Variants in RCOR1 observed in about 807,000 individuals in gnomAD.
RCOR1 encodes the protein REST corepressor 1, also known as REST corepressor.
RCOR1 carries 12 observed loss-of-function variants against 64.0 expected under a neutral mutation model. That is an observed-to-expected ratio of 0.19 (90% CI 0.12 to 0.30). The LOEUF (loss-of-function observed/expected upper bound fraction) is 0.30, where lower values mean the gene tolerates loss of function less well. Ranked by LOEUF, RCOR1 falls within the 10% of genes least tolerant of loss-of-function variation. The probability of loss-of-function intolerance (pLI) is 1.00; values close to 1 mark genes in which losing one functional copy is unlikely to be tolerated. For missense variants in RCOR1, 502 were observed against 621.2 expected (o/e 0.81, Z 2.04); for synonymous variants, 279 against 227.2 (o/e 1.23, Z -2.05).
chr14:102,620,612 T>G (rs534186548), intron 2 of RCOR1, among the ~76,000 whole-genome samples: 1 of 152,252 alleles, frequency 6.6e-6, no homozygotes, highest in South Asian at 2.1e-4. Context: ...GTCACAGCTA[T>G]TTGGGAGACT....
intron 2 of RCOR1, among the ~76,000 whole-genome samples, chr14:102,624,652 G>A (rs544892685): frequency 8.7e-4 from 133 of 152,156 alleles, no homozygotes; most frequent in African/African-American, 3.2e-3. Context: ...TATAGTCACA[G>A]CTACTTCGGA....
chr14:102,612,491 G>A (rs7140399), intron 2 of RCOR1, among the ~76,000 whole-genome samples: 1 of 151,382 alleles, frequency 6.6e-6, no homozygotes. Context: ...GAGCCACCAC[G>A]CCCGGTCTGA....
rs1283491337 is a variant in RCOR1 at position 102,660,347 on chromosome 14, G to T, written c.362-21548G>T. ...ATATTTTGCATAGATTTGCTTTTGGGTAAAACTTTTTTTTTTTTCATATCT... is the reference window on the plus strand; with the variant it reads ...ATATTTTGCATAGATTTGCTTTTGGTTAAAACTTTTTTTTTTTTCATATCT... On this transcript the variant is annotated intron_variant, in intron 2 of 11. Transcript: ENST00000262241. 7.9e-5 allele frequency among the ~76,000 whole-genome samples: 11 copies of T among 139,690 alleles called. No homozygotes were observed. In the East Asian group the frequency reaches 2.4e-3, roughly 31 times the overall value. The allele number at this position is 139,690 out of a possible 152,430, so 91.6% of individuals were successfully genotyped here.
intron 3 of RCOR1, among the ~76,000 whole-genome samples, chr14:102,694,870 G>C (rs1000627868): frequency 3.3e-5 from 5 of 152,202 alleles, no homozygotes; most frequent in African/African-American, 1.2e-4. Flanking sequence ...ATTTTTGCAT[G>C]TTCAGTTGAG....
Position 102,714,389 on chromosome 14 carries a change from T to A in RCOR1, c.859-34T>A, listed in dbSNP as rs768406721. ...TTATTACTGATCATTTGACTTTTTT[T>A]AAGTTTCATTCATCACCTGTGTATA... On this transcript the variant is annotated intron_variant, in intron 7 of 11. Coordinates refer to ENST00000262241, the MANE Select transcript of RCOR1 (RefSeq NM_015156.4). 1.0e-5 allele frequency: 15 copies of A among 1,435,136 alleles called. No homozygotes were observed. In the South Asian group the frequency reaches 1.4e-4, roughly 13 times the overall value. 88.9% of individuals were successfully genotyped at this position (1,435,136 alleles called of 1,614,324 possible).
chr14:102,678,514 G>T (rs1038467722), intron 2 of RCOR1, among the ~76,000 whole-genome samples: 1 of 152,052 alleles, frequency 6.6e-6, no homozygotes, highest in African/African-American at 2.4e-5. Context: ...GGTCAGGCTG[G>T]TCTCGAACCC....
chr14:102,721,631 C>T (rs1896172550), intron 10 of RCOR1: 1 of 321,358 alleles, frequency 3.1e-6, no homozygotes, highest in Admixed American at 4.6e-5. Flanking sequence ...TTACGTCCTG[C>T]CCTACTCCCA....
At chr14:102,690,986 A>G (rs1300233678) in intron 3 of RCOR1, among the ~76,000 whole-genome samples, 3 of 152,146 alleles carry the variant, frequency 2.0e-5, no homozygotes, top group Non-Finnish European at 4.4e-5. Context: ...TTTGCTCTGT[A>G]ACTTGGGTTG....
chr14:102,661,189 A>G (rs1894817435), intron 2 of RCOR1, among the ~76,000 whole-genome samples: 1 of 152,186 alleles, frequency 6.6e-6, no homozygotes, highest in Non-Finnish European at 1.5e-5. Flanking sequence ...TGTACTAAAA[A>G]TACAAAAAAT....
At chr14:102,703,779 A>G (rs1220890366) in intron 4 of RCOR1, among the ~76,000 whole-genome samples, 9 of 152,214 alleles carry the variant, frequency 5.9e-5, no homozygotes, top group Non-Finnish European at 1.3e-4. Context: ...GTTCCTGGGG[A>G]TGAAGAGACC....
intron 2 of RCOR1, among the ~76,000 whole-genome samples, chr14:102,648,442 T>A (rs1894519296): frequency 6.6e-6 from 1 of 152,178 alleles, no homozygotes; most frequent in Admixed American, 6.5e-5. Flanking sequence ...TCTTGTATGT[T>A]CTCTGCCTCA....
At chr14:102,638,142 G>A (rs1241069983) in intron 2 of RCOR1, among the ~76,000 whole-genome samples, 3 of 152,136 alleles carry the variant, frequency 2.0e-5, no homozygotes, top group African/African-American at 7.2e-5. Context: ...AGAAACCTGT[G>A]TACAGATTTT....
intron 11 of RCOR1, among the ~76,000 whole-genome samples, chr14:102,724,717 T>C (rs1179965710): frequency 1.3e-5 from 2 of 152,212 alleles, no homozygotes; most frequent in African/African-American, 4.8e-5. Flanking sequence ...ATATGTTAGT[T>C]TGCAGAAGGA....
chr14:102,701,003 G>A (rs770649816), intron 3 of RCOR1, among the ~76,000 whole-genome samples: 14 of 152,160 alleles, frequency 9.2e-5, no homozygotes, highest in Non-Finnish European at 1.3e-4. Context: ...GCTTGTGCAG[G>A]GAAACTCCCC....
intron 2 of RCOR1, chr14:102,650,973 A>G: frequency 1.2e-6 from 1 of 837,146 alleles, no homozygotes; most frequent in Non-Finnish European, 1.4e-6. Context: ...AATGAGACTT[A>G]GACTCATAAT....
chr14:102,723,631 C>T (rs940705243), intron 11 of RCOR1, among the ~76,000 whole-genome samples: 1 of 152,108 alleles, frequency 6.6e-6, no homozygotes, highest in African/African-American at 2.4e-5. Context: ...TATCTTTCAG[C>T]AGTGATTTTT....
chr14:102,673,412 C>A (rs1895069845), intron 2 of RCOR1, among the ~76,000 whole-genome samples: 1 of 151,238 alleles, frequency 6.6e-6, no homozygotes, highest in Non-Finnish European at 1.5e-5. Context: ...TCTCGGCTCA[C>A]TGCAAGCTCC....
intron 2 of RCOR1, among the ~76,000 whole-genome samples, chr14:102,675,560 A>T (rs187701120): frequency 1.3e-5 from 2 of 152,372 alleles, no homozygotes; most frequent in East Asian, 1.9e-4. Flanking sequence ...ACTAATGGGC[A>T]CATAGCACCT....
At chr14:102,617,972 C>CTTTT (rs71305077) in intron 2 of RCOR1, among the ~76,000 whole-genome samples, 6 of 122,552 alleles carry the variant, frequency 4.9e-5, no homozygotes, top group East Asian at 2.4e-4. Context: ...TTTTTTTTTT[C>CTTTT]TTTTTTTTTT....
Sources: allele counts gnomAD v4.1 joint callset (sites outside exome capture counted in the v4.1 genomes callset), GRCh38; gene constraint gnomAD v4.1.1; transcripts MANE v1.5; gene names NCBI Gene and HGNC (gene_info 2026-07-23, HGNC 2026-07-21).